Variants in NIM1K observed in about 807,000 individuals in gnomAD.
The protein encoded by NIM1K is NIM1 serine/threonine protein kinase.
Under a neutral mutation model 37.1 loss-of-function variants are expected in NIM1K, and 35 were observed. That is an observed-to-expected ratio of 0.94 (90% CI 0.72 to 1.25). The LOEUF (loss-of-function observed/expected upper bound fraction) is 1.25, where lower values mean the gene tolerates loss of function less well. NIM1K is among the 50% of genes most tolerant of loss of function. NIM1K has a pLI of 0.00. For missense variants in NIM1K, 564 were observed against 548.0 expected (o/e 1.03, Z -0.29); for synonymous variants, 234 against 206.6 (o/e 1.13, Z -1.14).
intron 2 of NIM1K, among the ~76,000 whole-genome samples, chr5:43,263,843 A>G (rs922782905): frequency 1.3e-5 from 2 of 152,196 alleles, no homozygotes; most frequent in African/African-American, 4.8e-5. Context: ...TTGGTTTCAA[A>G]GGACATCTTT....
At chr5:43,204,995 C>CA (rs1231546578) in intron 1 of NIM1K, among the ~76,000 whole-genome samples, 1 of 151,908 alleles carries the variant, frequency 6.6e-6, no homozygotes, top group African/African-American at 2.4e-5. Flanking sequence ...GACCCTGTCT[C>CA]AAAAAAACAC....
chr5:43,235,839 C>T (rs1036757808), intron 1 of NIM1K, among the ~76,000 whole-genome samples: 1 of 151,644 alleles, frequency 6.6e-6, no homozygotes, highest in Non-Finnish European at 1.5e-5. Context: ...ACTATTCCCT[C>T]CCCATCTTTT....
intron 2 of NIM1K, among the ~76,000 whole-genome samples, chr5:43,264,671 G>C (rs1320234076): frequency 2.6e-5 from 4 of 152,180 alleles, no homozygotes; most frequent in Non-Finnish European, 5.9e-5. Context: ...TATGATGTTA[G>C]CTGGTTATTT....
chr5:43,246,072 G>C lies in NIM1K; in HGVS notation c.292+5G>C. Reference sequence around the variant, plus strand: ...GGATTCACTCCCTAACCAAAGGTAGGATCCGACTTCCCAAGGGTCATCCCT... The same window carrying C: ...GGATTCACTCCCTAACCAAAGGTAGCATCCGACTTCCCAAGGGTCATCCCT... On this transcript the variant is annotated splice_donor_5th_base_variant and intron_variant, in intron 2 of 3. Transcript: ENST00000326035. 6.2e-7 allele frequency: 1 copy of C among 1,603,620 alleles called. No homozygotes were observed. Among genetic ancestry groups the C allele is most frequent in the African/African-American group, 1.3e-5 (1 of 74,926 alleles).
chr5:43,214,909 ATAAT>A (rs1272298614), intron 1 of NIM1K, among the ~76,000 whole-genome samples: 4 of 151,934 alleles, frequency 2.6e-5, no homozygotes, highest in South Asian at 2.1e-4. Context: ...CTTCACACTT[ATAAT>A]TAATTATTAA....
At chr5:43,218,958 A>G (rs1752345489) in intron 1 of NIM1K, among the ~76,000 whole-genome samples, 1 of 152,116 alleles carries the variant, frequency 6.6e-6, no homozygotes, top group African/African-American at 2.4e-5. Flanking sequence ...GAGGCCAGGC[A>G]GAGATAATTG....
intron 1 of NIM1K, among the ~76,000 whole-genome samples, chr5:43,241,061 C>T (rs953923897): frequency 6.6e-6 from 1 of 151,926 alleles, no homozygotes; most frequent in Admixed American, 6.5e-5. Context: ...GCAATTGTAC[C>T]GATTTATACT....
intron 2 of NIM1K, among the ~76,000 whole-genome samples, chr5:43,260,131 A>C (rs1479718588): frequency 2.0e-5 from 3 of 152,110 alleles, no homozygotes; most frequent in Non-Finnish European, 4.4e-5. Flanking sequence ...TTTTGAAGGA[A>C]TCTTTAGGGT....
chr5:43,212,429 G>T (rs2112218212), intron 1 of NIM1K, among the ~76,000 whole-genome samples: 1 of 151,710 alleles, frequency 6.6e-6, no homozygotes, highest in East Asian at 1.9e-4. Flanking sequence ...CTCACGTGAG[G>T]ACCAAAAATA....
chr5:43,204,055 A>G (rs1201150144), intron 1 of NIM1K, among the ~76,000 whole-genome samples: 21 of 124,150 alleles, frequency 1.7e-4, no homozygotes, highest in Non-Finnish European at 3.2e-4. Flanking sequence ...TAATTTGTGT[A>G]TTTACTATCA....
chr5:43,227,844 T>C (rs1343884515), intron 1 of NIM1K, among the ~76,000 whole-genome samples: 1 of 152,218 alleles, frequency 6.6e-6, no homozygotes, highest in Non-Finnish European at 1.5e-5. Context: ...TCACCCCATA[T>C]TGTCTAATCC....
chr5:43,276,370 G>A (rs1364612160), intron 2 of NIM1K, among the ~76,000 whole-genome samples: 1 of 152,222 alleles, frequency 6.6e-6, no homozygotes, highest in Non-Finnish European at 1.5e-5. Context: ...CATGCCACAA[G>A]ATCCCATCAC....
In NIM1K at chr5:43,232,780, T is replaced by A. The variant is rs1752561074; in HGVS notation, c.-694-12302T>A. 4.3e-5 allele frequency: 47 copies of A among 1,104,280 alleles called. No homozygotes were observed. In the South Asian group the frequency reaches 6.2e-4, roughly 15 times the overall value. The allele number at this position is 1,104,280 out of a possible 1,614,324, so 68.4% of individuals were successfully genotyped here. ...GTGGAAAAACAAGAAGCCTTGGCGA[T>A]CCATGCACTGTTCAGCCAGTTTACA... On this transcript the variant is annotated intron_variant, in intron 1 of 3. Coordinates refer to ENST00000326035, the MANE Select transcript of NIM1K (RefSeq NM_153361.4).
intron 1 of NIM1K, chr5:43,206,862 A>G: frequency 1.3e-6 from 1 of 769,170 alleles, no homozygotes; most frequent in Admixed American, 1.7e-5. Flanking sequence ...AACATGCACA[A>G]ACAAGAACGG....
chr5:43,211,980 A>G (rs1752210839), intron 1 of NIM1K, among the ~76,000 whole-genome samples: 1 of 152,222 alleles, frequency 6.6e-6, no homozygotes. Context: ...AGCTAACCAT[A>G]TAAGACTAAC....
chr5:43,264,105 G>T (rs1189166068), intron 2 of NIM1K, among the ~76,000 whole-genome samples: 1 of 152,188 alleles, frequency 6.6e-6, no homozygotes. Flanking sequence ...CTGTTGATTT[G>T]GGGTCGAGAG....
chr5:43,265,128 A>T (rs1338913700), intron 2 of NIM1K, among the ~76,000 whole-genome samples: 2 of 152,040 alleles, frequency 1.3e-5, no homozygotes, highest in Non-Finnish European at 1.5e-5. Context: ...TATCTTTGTG[A>T]TGTTCTCTGC....
At position 43,251,037 on chromosome 5, in the gene NIM1K, A is replaced by G. The variant is rs189753391; in HGVS notation, c.292+4970A>G. ...TAATGATTTTTAGAATTGTTGGGGAAATTGGAAATAATATATGTGAAGTAC... is the reference window on the plus strand; with the variant it reads ...TAATGATTTTTAGAATTGTTGGGGAGATTGGAAATAATATATGTGAAGTAC... On this transcript the variant is annotated intron_variant, in intron 2 of 3. Coordinates refer to ENST00000326035, the MANE Select transcript of NIM1K (RefSeq NM_153361.4). Among the ~76,000 whole-genome samples the G allele has an allele frequency of 3.1e-3, 469 of 152,280 alleles. 2 individuals are homozygous for G. Among genetic ancestry groups the G allele is most frequent in the African/African-American group, 0.011 (456 of 41,564 alleles).
Position 43,280,752 on chromosome 5 carries a change from T to C in NIM1K, c.*23T>C, listed in dbSNP as rs1487142092. The C allele has an allele frequency of 2.6e-6, 4 of 1,530,872 alleles. No homozygotes were observed. Among genetic ancestry groups the C allele is most frequent in the Non-Finnish European group, 3.5e-6 (4 of 1,140,412 alleles). The allele number at this position is 1,530,872 out of a possible 1,614,324, so 94.8% of individuals were successfully genotyped here. ...TAAATTGCACTAGACTGCTTGTAAC[T>C]AACCAAGATGATTGTTGCTGCTTCT... On this transcript the variant is annotated 3_prime_UTR_variant, in exon 4 of 4. Coordinates refer to ENST00000326035, the MANE Select transcript of NIM1K (RefSeq NM_153361.4).
Sources: allele counts gnomAD v4.1 joint callset (sites outside exome capture counted in the v4.1 genomes callset), GRCh38; gene constraint gnomAD v4.1.1; transcripts MANE v1.5; gene names NCBI Gene and HGNC (gene_info 2026-07-23, HGNC 2026-07-21).